PCDHGA3: variants seen among roughly 807,000 people sequenced by gnomAD.
PCDHGA3 encodes the protein protocadherin gamma subfamily A, 3, also known as protocadherin gamma-A3.
PCDHGA3 carries 40 observed loss-of-function variants against 58.5 expected under a neutral mutation model. The ratio of observed to expected loss-of-function variants is 0.68; its 90% CI spans 0.53 to 0.89. The LOEUF (loss-of-function observed/expected upper bound fraction) is 0.89, where lower values mean the gene tolerates loss of function less well. Among genes scored for constraint, PCDHGA3 ranks in the 40% least tolerant of loss-of-function variants. The pLI is 0.00. For synonymous variants in PCDHGA3, 530 were observed against 525.7 expected, an observed-to-expected ratio of 1.01 and a Z score of -0.11; for missense variants, 1,223 against 1,195.9, an observed-to-expected ratio of 1.02 and a Z score of -0.33.
intron 1 of PCDHGA3, chr5:141,416,744 A>G (rs1480936949): frequency 2.0e-5 from 3 of 152,210 alleles, no homozygotes; most frequent in Non-Finnish European, 4.4e-5. Context: ...GAAAATAGTG[A>G]CGTATTAGGT....
chr5:141,385,363 T>G lies in PCDHGA3; in HGVS notation c.2424+38906T>G, dbSNP rs533363868. The G allele has an allele frequency of 5.7e-5, 88 of 1,539,980 alleles. No individual in the cohort carries two copies. The South Asian group carries it at 1.1e-3, about 19-fold the overall frequency. The stretch of plus-strand genomic sequence containing the variant: ...TCCTTTATTTCCATGAGGAATTTAT[T>G]TGCATGATATTTCTCTATTATTTTG... On this transcript the variant is annotated intron_variant, in intron 1 of 3. Transcript: ENST00000253812.
intron 1 of PCDHGA3, chr5:141,415,772 T>C (rs540545854): frequency 4.5e-6 from 6 of 1,336,628 alleles, no homozygotes; most frequent in African/African-American, 1.8e-5. Context: ...TTTTTTTTTT[T>C]ACTTTCTGGT....
intron 1 of PCDHGA3, among the ~76,000 whole-genome samples, chr5:141,420,877 G>T (rs566962587): frequency 3.9e-5 from 6 of 152,338 alleles, no homozygotes; most frequent in African/African-American, 1.4e-4. Context: ...TGTAAGTATT[G>T]TGTATCATCG....
intron 1 of PCDHGA3, chr5:141,365,983 T>C (rs954488135): frequency 1.2e-6 from 2 of 1,614,234 alleles, no homozygotes; most frequent in South Asian, 2.2e-5. Flanking sequence ...TGAGCCTGTT[T>C]GTGCTGGACC....
In PCDHGA3 at chr5:141,344,860, A is replaced by G; in HGVS notation, c.827A>G (p.Gln276Arg). The G allele has an allele frequency of 1.2e-6, 2 of 1,613,960 alleles. No individual in the cohort carries two copies. Among genetic ancestry groups the G allele is most frequent in the Non-Finnish European group, 1.7e-6 (2 of 1,179,866 alleles). Residue 276 changes from glutamine (Q) to arginine (R), a missense_variant, in exon 1 of 4, where the codon CAA (glutamine) becomes CGA (arginine). Physicochemically the swap from Gln to Arg is conservative, Grantham distance 43 (BLOSUM62 1). This residue lies in a region of PCDHGA3 where 791 missense variants were observed against 708.5 expected (regional missense o/e 1.12). Transcript: ENST00000253812. ...GACCCTGACGAGGGATTCAATGCTCAAGTGTCTTATATTCTAGATAAAATG... is the reference window on the plus strand; with the variant it reads ...GACCCTGACGAGGGATTCAATGCTCGAGTGTCTTATATTCTAGATAAAATG... ...ATDPDEGFNAQVSYILDKMPG... is the reference protein window; with the variant it reads ...ATDPDEGFNARVSYILDKMPG...
intron 1 of PCDHGA3, chr5:141,417,615 A>G (rs908930043): frequency 3.2e-6 from 2 of 629,140 alleles, no homozygotes; most frequent in Non-Finnish European, 5.1e-6. Flanking sequence ...CGGCCAGTGC[A>G]GAGCAAGCGC....
At chr5:141,392,903 G>A in intron 1 of PCDHGA3, 1 of 1,613,884 alleles carries the variant, frequency 6.2e-7, no homozygotes, top group South Asian at 1.1e-5. Flanking sequence ...GGAGGGGACA[G>A]ATTCGCTACT....
intron 1 of PCDHGA3, chr5:141,379,257 A>G (rs1561582852): frequency 6.6e-6 from 1 of 152,234 alleles, no homozygotes. Flanking sequence ...TTTACATTTA[A>G]GGAATTGTTA....
chr5:141,427,881 C>T (rs774499492), intron 1 of PCDHGA3: 6 of 1,563,720 alleles, frequency 3.8e-6, no homozygotes, highest in South Asian at 3.3e-5. Context: ...GATGCAGGCC[C>T]ACGACCAGGG....
At chr5:141,384,919 G>C in intron 1 of PCDHGA3, 1 of 1,613,976 alleles carries the variant, frequency 6.2e-7, no homozygotes, top group Non-Finnish European at 8.5e-7. Context: ...AGTCTTGGCC[G>C]ACCTGGGCAG....
At chr5:141,426,174 G>A (rs1213063298) in intron 1 of PCDHGA3, 1 of 155,354 alleles carries the variant, frequency 6.4e-6, no homozygotes, top group Non-Finnish European at 1.4e-5. Flanking sequence ...ACGGATTGGG[G>A]TGCCCTCAAA....
intron 1 of PCDHGA3, chr5:141,478,456 T>A (rs371773090): frequency 3.1e-6 from 5 of 1,613,366 alleles, no homozygotes; most frequent in African/African-American, 2.7e-5. Context: ...GTGCAGCCAG[T>A]CCACTGGCCA....
chr5:141,437,664 A>G (rs10035418), intron 1 of PCDHGA3, among the ~76,000 whole-genome samples: 45,525 of 151,942 alleles, frequency 0.3, 8,040 homozygotes, highest in African/African-American at 0.5. Context: ...AGTTTCGAAG[A>G]GATGTTGATC....
At chr5:141,478,483 G>A in intron 1 of PCDHGA3, 13 of 1,613,548 alleles carry the variant, frequency 8.1e-6, no homozygotes, top group Non-Finnish European at 1.1e-5. Flanking sequence ...AGAACACGCT[G>A]CGGAGCTGTG....
intron 1 of PCDHGA3, chr5:141,441,855 G>T (rs1210416963): frequency 2.8e-6 from 1 of 351,872 alleles, no homozygotes; most frequent in Admixed American, 4.0e-5. Context: ...ATATGGTGCT[G>T]CACGCCGCGG....
intron 1 of PCDHGA3, chr5:141,372,647 C>T (rs1768941423): frequency 1.9e-6 from 3 of 1,613,918 alleles, no homozygotes; most frequent in South Asian, 2.2e-5. Flanking sequence ...TGCCTTATTC[C>T]TACAATCCGT....
chr5:141,489,229 G>C lies in PCDHGA3; in HGVS notation c.2425-5578G>C. The C allele has an allele frequency of 6.6e-7, 1 of 1,522,252 alleles. No homozygotes were observed. Among genetic ancestry groups the C allele is most frequent in the Non-Finnish European group, 8.8e-7 (1 of 1,133,810 alleles). The allele number at this position is 1,522,252 out of a possible 1,614,324, so 94.3% of individuals were successfully genotyped here. On this transcript the variant is annotated intron_variant, in intron 1 of 3. Coordinates refer to ENST00000253812, the MANE Select transcript of PCDHGA3 (RefSeq NM_018916.4). This position sits in a 1 kb window ranked among gnomAD's most constrained non-coding sequence, Gnocchi z 4.5. ...AGCACAGACTTACTCTCCACAAAGG[G>C]ACTTCTGGGTCATGGGGCCCAAGAC...
chr5:141,489,913 A>G lies in PCDHGA3; in HGVS notation c.2425-4894A>G. 1 of 1,614,208 alleles carries G rather than the reference A, an allele frequency of 6.2e-7. No homozygotes were observed. Among genetic ancestry groups the G allele is most frequent in the Non-Finnish European group, 8.5e-7 (1 of 1,180,044 alleles). Reference sequence around the variant, plus strand: ...TGGGGGGACCCCAGCCCGCTCAGGGACCACCCTTATCTCTGTCATCGTGCT... The same window carrying G: ...TGGGGGGACCCCAGCCCGCTCAGGGGCCACCCTTATCTCTGTCATCGTGCT... On this transcript the variant is annotated intron_variant, in intron 1 of 3. Transcript: ENST00000253812. The surrounding 1 kb of genome is among the most constrained non-coding windows in gnomAD (Gnocchi z 4.5).
In PCDHGA3 at chr5:141,371,087, T is replaced by C. The variant is rs761408104; in HGVS notation, c.2424+24630T>C. ...GCTGTACCACCCAGATCAGGGTAAT[T>C]GTCGCAGATGCAAATGATAACCCCC... On this transcript the variant is annotated intron_variant, in intron 1 of 3. Transcript: ENST00000253812. 8 of 1,613,772 alleles carry C rather than the reference T, an allele frequency of 5.0e-6. No individual in the cohort carries two copies. The South Asian group carries it at 8.8e-5, about 18-fold the overall frequency.
Sources: allele counts gnomAD v4.1 joint callset (sites outside exome capture counted in the v4.1 genomes callset), GRCh38; gene constraint gnomAD v4.1.1; regional missense constraint gnomAD v4.1.1; non-coding constraint Gnocchi (gnomAD v3.1); transcripts MANE v1.5; gene names NCBI Gene and HGNC (gene_info 2026-07-23, HGNC 2026-07-21).